Variants in FGD5 observed in about 807,000 individuals in gnomAD.
FGD5 encodes the protein FYVE, RhoGEF and PH domain containing 5, also known as FYVE, RhoGEF and PH domain-containing protein 5.
A neutral mutation model predicts 133.4 loss-of-function variants in FGD5; 28 were observed. The observed-to-expected ratio is 0.21, with a 90% confidence interval of 0.16 to 0.29. FGD5 has a LOEUF of 0.29. FGD5 is among the 10% of genes least tolerant of loss of function. The pLI is 1.00. For synonymous variants in FGD5, 810 were observed against 776.5 expected (o/e 1.04, Z -0.72); for missense variants, 1,858 against 1,895.2 (o/e 0.98, Z 0.36).
At chr3:14,902,281 T>TAA (rs34728691) in intron 9 of FGD5, among the ~76,000 whole-genome samples, 216 of 124,458 alleles carry the variant, frequency 1.7e-3, no homozygotes, top group Middle Eastern at 4.2e-3. Context: ...GATTCCATCT[T>TAA]AAAAAAAAAA....
rs60432520 is a variant in FGD5 at position 14,927,931 on chromosome 3, ATT to A, written c.4197+1748_4197+1749del. ...AAGTGTGTGACGCCAGGCCTAGCTAATTTTTTTTTTTTTTTTAATTTTTTTTT... is the reference window on the plus strand; with the variant it reads ...AAGTGTGTGACGCCAGGCCTAGCTAATTTTTTTTTTTTTTAATTTTTTTTT... On this transcript the variant is annotated intron_variant, in intron 18 of 19. Coordinates refer to ENST00000285046, the MANE Select transcript of FGD5 (RefSeq NM_152536.4). Among the ~76,000 whole-genome samples, 40 of 138,514 alleles carry A rather than the reference ATT, an allele frequency of 2.9e-4. No homozygotes were observed. In the East Asian group the frequency reaches 4.8e-3, roughly 17 times the overall value. The allele number at this position is 138,514 out of a possible 152,430, so 90.9% of individuals were successfully genotyped here.
rs1247342731 is a variant in FGD5, at chr3:14,934,562, T to C, written c.*1395T>C. 1 of 152,236 alleles carries C rather than the reference T, an allele frequency of 6.6e-6. No individual in the cohort carries two copies. The highest frequency in any genetic ancestry group is 2.4e-5 in the African/African-American group (1 of 41,444). 9.4% of individuals were successfully genotyped at this position (152,236 alleles called of 1,614,324 possible). A position where few individuals can be genotyped will look rare whatever the true frequency, so the allele number is the denominator to read the frequency against. On this transcript the variant is annotated 3_prime_UTR_variant, in exon 20 of 20. Transcript: ENST00000285046. The stretch of plus-strand genomic sequence containing the variant: ...TTTGCATTAAACATGTAACTAATGG[T>C]TCACACTAAGTGATTAGACAGTGTT...
At position 14,820,966 on chromosome 3, in the gene FGD5, G is replaced by A. The variant is rs757938046; in HGVS notation, c.1895G>A (p.Ser632Asn). 2 of 1,613,854 alleles carry A rather than the reference G, an allele frequency of 1.2e-6. No individual in the cohort carries two copies. Among genetic ancestry groups the A allele is most frequent in the Non-Finnish European group, 8.5e-7 (1 of 1,179,872 alleles). ...ACITKKPITK[S>N]SPSLLIESDS... ...ATCACCAAGAAGCCCATCACAAAGA[G>A]CTCTCCCTCACTCCTGATCGAGAGC... Residue 632 changes from serine to asparagine, a missense_variant, in exon 1 of 20, where the codon AGC becomes AAC. By Grantham distance (46) the Ser-to-Asn change is conservative. This residue lies in a region of FGD5 where 1,824 missense variants were observed against 1,848.9 expected (regional missense o/e 0.99). Coordinates refer to ENST00000285046, the MANE Select transcript of FGD5 (RefSeq NM_152536.4).
intron 10 of FGD5, among the ~76,000 whole-genome samples, chr3:14,908,089 G>C (rs374674720): frequency 2.0e-5 from 3 of 152,284 alleles, no homozygotes; most frequent in Non-Finnish European, 2.9e-5. Context: ...TAACATTCTT[G>C]AGGAGATAAA....
chr3:14,823,956 C>T (rs114427461), intron 1 of FGD5, among the ~76,000 whole-genome samples: 1,629 of 152,316 alleles, frequency 0.011, 33 homozygotes, highest in African/African-American at 0.037. Context: ...CTGTTTACTG[C>T]GTGCCAAGCA....
intron 4 of FGD5, among the ~76,000 whole-genome samples, chr3:14,890,140 A>G (rs1472626994): frequency 3.3e-5 from 5 of 151,988 alleles, no homozygotes; most frequent in African/African-American, 1.2e-4. Flanking sequence ...TCCACCCCTC[A>G]GCTCCTCTTC....
At chr3:14,930,519 C>A (rs1484189075) in intron 18 of FGD5, among the ~76,000 whole-genome samples, 2 of 152,182 alleles carry the variant, frequency 1.3e-5, no homozygotes, top group African/African-American at 4.8e-5. Flanking sequence ...ATCGCTTGAA[C>A]ACAGCAAGCA....
intron 1 of FGD5, among the ~76,000 whole-genome samples, chr3:14,826,274 C>G (rs2125073224): frequency 6.6e-6 from 1 of 152,206 alleles, no homozygotes; most frequent in East Asian, 1.9e-4. Context: ...CCTCTCCCTC[C>G]CTTTCTCCCT....
rs144223353 is a variant in FGD5, at chr3:14,896,183, A to G, written c.2749-1326A>G. 2.0e-3 allele frequency among the ~76,000 whole-genome samples: 305 copies of G among 152,364 alleles called. 2 individuals carry two copies. The highest frequency in any genetic ancestry group is 0.01 in the Middle Eastern group (3 of 294). Reference sequence around the variant, plus strand: ...TGTTCCATGCTCATGGATTAGAAGAACTAATATTGCTAAAATGACAATACT... The same window carrying G: ...TGTTCCATGCTCATGGATTAGAAGAGCTAATATTGCTAAAATGACAATACT... On this transcript the variant is annotated intron_variant, in intron 4 of 19. Transcript: ENST00000285046.
upstream of FGD5, among the ~76,000 whole-genome samples, chr3:14,818,407 G>T (rs910983317): frequency 6.6e-6 from 1 of 152,108 alleles, no homozygotes; most frequent in Non-Finnish European, 1.5e-5. Context: ...AAGGGTCCCC[G>T]GCTCTACCCT....
chr3:14,846,670 G>A (rs1314501314), intron 1 of FGD5, among the ~76,000 whole-genome samples: 3 of 152,218 alleles, frequency 2.0e-5, no homozygotes, highest in Non-Finnish European at 4.4e-5. Context: ...AGAAGATGAA[G>A]AAGCATTGTC....
intron 1 of FGD5, among the ~76,000 whole-genome samples, chr3:14,862,230 A>G (rs984853810): frequency 2.6e-5 from 4 of 152,146 alleles, no homozygotes; most frequent in Non-Finnish European, 5.9e-5. Flanking sequence ...CTTATCCTGG[A>G]TAGAGCACCA....
chr3:14,812,100 T>C (rs1304544851), intron 1 of FGD5, among the ~76,000 whole-genome samples: 1 of 152,168 alleles, frequency 6.6e-6, no homozygotes, highest in Non-Finnish European at 1.5e-5. Flanking sequence ...GTCATTGTTT[T>C]AGCAGTGAGG....
At chr3:14,817,479 A>G (rs1251330222), upstream of FGD5, among the ~76,000 whole-genome samples, 1 of 152,212 alleles carries the variant, frequency 6.6e-6, no homozygotes, top group Non-Finnish European at 1.5e-5. Flanking sequence ...TACATGTGTG[A>G]GCCACTGCAC....
At chr3:14,867,971 C>G (rs750365409) in intron 2 of FGD5, among the ~76,000 whole-genome samples, 6 of 151,978 alleles carry the variant, frequency 3.9e-5, no homozygotes, top group Non-Finnish European at 7.4e-5. Context: ...TTTGGAGCAG[C>G]CAAGTCATGA....
rs866129709 is a variant in FGD5 at position 14,860,325 on chromosome 3, G to A, written c.2526-3803G>A. On this transcript the variant is annotated intron_variant, in intron 1 of 19. Transcript: ENST00000285046. ...TCCTTTAAGTGTTGAGAGCCTAAAC[G>A]TCTTTCACTTTCCTGAAGGCAGGAA... Among the ~76,000 whole-genome samples the A allele has an allele frequency of 8.5e-5, 13 of 152,330 alleles. No individual in the cohort carries two copies. In the Middle Eastern group the frequency reaches 0.01, roughly 120 times the overall value.
At chr3:14,923,971 T>A in intron 16 of FGD5, 37 bp from the exon 17 acceptor site, 1 of 1,613,110 alleles carries the variant, frequency 6.2e-7, no homozygotes, top group Non-Finnish European at 8.5e-7. Context: ...CAGGCACGCC[T>A]CTCACCTCCC....
intron 9 of FGD5, among the ~76,000 whole-genome samples, chr3:14,902,816 C>T (rs562358097): frequency 1.3e-5 from 2 of 152,320 alleles, no homozygotes; most frequent in South Asian, 4.1e-4. Context: ...CCTCTGCTTC[C>T]AGAGAGAAAA....
upstream of FGD5, chr3:14,810,795 A>C (rs2125061274): frequency 3.0e-6 from 3 of 983,924 alleles, no homozygotes; most frequent in Middle Eastern, 5.2e-4. Flanking sequence ...GCGGAGTCGC[A>C]CTGGGACCCG....
Sources: gnomAD v4.1 joint callset for allele counts (sites outside exome capture counted in the v4.1 genomes callset) on GRCh38, gnomAD v4.1.1 for gene constraint, gnomAD v4.1.1 regional missense constraint, MANE v1.5 for transcripts, NCBI Gene and HGNC (gene_info 2026-07-23, HGNC 2026-07-21) for gene names.